Variants in STPG2 observed in about 807,000 individuals in gnomAD.
STPG2 encodes the protein sperm tail PG-rich repeat containing 2, also known as sperm-tail PG-rich repeat-containing protein 2.
Under a neutral mutation model 54.2 loss-of-function variants are expected in STPG2, and 56 were observed. The observed-to-expected ratio is 1.03, with a 90% CI of 0.83 to 1.29. The LOEUF is 1.29. STPG2 is among the 50% of genes most tolerant of loss of function. The probability of loss-of-function intolerance (pLI) is 0.00; values close to 1 mark genes in which losing one functional copy is unlikely to be tolerated. For synonymous variants in STPG2, 200 were observed against 181.8 expected, an observed-to-expected ratio of 1.10 and a Z score of -0.81; for missense variants, 596 against 544.9, an observed-to-expected ratio of 1.09 and a Z score of -0.93.
chr4:98,072,526 C>A (rs189771183), intron 5 of STPG2, among the ~76,000 whole-genome samples: 3 of 150,730 alleles, frequency 2.0e-5, no homozygotes, highest in Admixed American at 1.3e-4. Context: ...CCTGCACATC[C>A]TGCACATGTA....
At chr4:97,856,893 C>T (rs760707909) in intron 8 of STPG2, among the ~76,000 whole-genome samples, 6 of 152,100 alleles carry the variant, frequency 3.9e-5, no homozygotes, top group Non-Finnish European at 8.8e-5. Flanking sequence ...TATCAAAGGC[C>T]TTTTCTGCAT....
Position 97,925,503 on chromosome 4 carries a change from T to C in STPG2, c.1044+18394A>G, listed in dbSNP as rs148707380. 4.5e-4 allele frequency among the ~76,000 whole-genome samples: 68 copies of C among 152,336 alleles called. No individual in the cohort carries two copies. The East Asian group carries it at 0.011, about 25-fold the overall frequency. On this transcript the variant is annotated intron_variant, in intron 8 of 10. Transcript: ENST00000295268. ...TTTATCTAAAATCCTTTACTTGTAC[T>C]GATGGCCCTGCAGTAAGAAAATTTA...
At chr4:97,485,872 AC>A (rs1730342170) in intron 4 of STPG2, among the ~76,000 whole-genome samples, 1 of 151,748 alleles carries the variant, frequency 6.6e-6, no homozygotes, top group Admixed American at 6.6e-5. Context: ...AGAATAGAGA[AC>A]CCAGAAATAA....
intron 7 of STPG2, among the ~76,000 whole-genome samples, chr4:97,968,099 T>C (rs1416544751): frequency 6.6e-6 from 1 of 151,582 alleles, no homozygotes; most frequent in Non-Finnish European, 1.5e-5. Flanking sequence ...TCAACAAAAT[T>C]GAGACACCAT....
At chr4:97,753,225 T>C (rs1324918091) in intron 9 of STPG2, among the ~76,000 whole-genome samples, 1 of 151,960 alleles carries the variant, frequency 6.6e-6, no homozygotes, top group Non-Finnish European at 1.5e-5. Context: ...ATCCATTAAA[T>C]AGTAACCTAC....
chr4:98,139,850 G>A (rs1403094254), intron 1 of STPG2, among the ~76,000 whole-genome samples: 1 of 152,166 alleles, frequency 6.6e-6, no homozygotes, highest in African/African-American at 2.4e-5. Flanking sequence ...TACGCTATAT[G>A]TGGCTCATTA....
chr4:98,135,035 A>G (rs565035481), intron 1 of STPG2, among the ~76,000 whole-genome samples: 5 of 151,938 alleles, frequency 3.3e-5, no homozygotes, highest in Non-Finnish European at 7.4e-5. Context: ...AGATTATACA[A>G]ACTTGAACAC....
chr4:97,889,895 T>C (rs1025618185), intron 8 of STPG2, among the ~76,000 whole-genome samples: 1 of 152,172 alleles, frequency 6.6e-6, no homozygotes, highest in East Asian at 1.9e-4. Flanking sequence ...AGGAGTTTTG[T>C]TGTTTTATTC....
intron 8 of STPG2, among the ~76,000 whole-genome samples, chr4:97,858,556 C>T (rs1360947597): frequency 6.6e-6 from 1 of 152,146 alleles, no homozygotes. Context: ...CTCTCCTCTC[C>T]TACCATCTCT....
chr4:97,739,116 G>A (rs557781317), intron 9 of STPG2, among the ~76,000 whole-genome samples: 165 of 152,102 alleles, frequency 1.1e-3, no homozygotes, highest in African/African-American at 3.9e-3. Context: ...AATGACTACT[G>A]GGTACATAAT....
chr4:97,880,785 T>C (rs951626716), intron 8 of STPG2, among the ~76,000 whole-genome samples: 3 of 152,096 alleles, frequency 2.0e-5, no homozygotes, highest in Non-Finnish European at 4.4e-5. Context: ...TATACTCAAA[T>C]TGAAGAGCAG....
intron 4 of STPG2, among the ~76,000 whole-genome samples, chr4:97,544,008 G>C (rs1352423506): frequency 1.3e-5 from 2 of 152,064 alleles, no homozygotes; most frequent in Non-Finnish European, 2.9e-5. Flanking sequence ...AATCATAATA[G>C]AATGTGGTTC....
chr4:98,119,221 T>G (rs577074743), intron 3 of STPG2, among the ~76,000 whole-genome samples: 3 of 152,146 alleles, frequency 2.0e-5, no homozygotes, highest in Non-Finnish European at 4.4e-5. Flanking sequence ...CATAATCATT[T>G]ATGAGATAAA....
chr4:97,777,737 T>G (rs1392791182), intron 9 of STPG2, among the ~76,000 whole-genome samples: 1 of 152,232 alleles, frequency 6.6e-6, no homozygotes, highest in Non-Finnish European at 1.5e-5. Flanking sequence ...TAGATTTCAT[T>G]ATTTTAGATT....
chr4:97,509,872 A>T (rs1466112143), intron 4 of STPG2, among the ~76,000 whole-genome samples: 1 of 152,046 alleles, frequency 6.6e-6, no homozygotes. Flanking sequence ...AAAATTTAAG[A>T]ACATTGAAAC....
chr4:97,739,234 AG>A (rs1275552272), intron 9 of STPG2, among the ~76,000 whole-genome samples: 1 of 152,204 alleles, frequency 6.6e-6, no homozygotes, highest in South Asian at 2.1e-4. Flanking sequence ...AGAAATTTAT[AG>A]TACTAAATGC....
chr4:97,947,658 G>T (rs898383811), intron 7 of STPG2, among the ~76,000 whole-genome samples: 1 of 152,080 alleles, frequency 6.6e-6, no homozygotes, highest in Non-Finnish European at 1.5e-5. Flanking sequence ...CAGCTATTGA[G>T]ATAACCATAT....
chr4:97,756,843 A>G (rs1217071772), intron 9 of STPG2, among the ~76,000 whole-genome samples: 2 of 151,948 alleles, frequency 1.3e-5, no homozygotes, highest in African/African-American at 4.8e-5. Flanking sequence ...ATATTTAAGA[A>G]TGTTTCACAT....
At chr4:97,895,350 C>G (rs1026269936) in intron 8 of STPG2, among the ~76,000 whole-genome samples, 2 of 151,784 alleles carry the variant, frequency 1.3e-5, no homozygotes, top group Admixed American at 1.3e-4. Flanking sequence ...CATAAACTTT[C>G]AAGAGATATA....
Sources: allele counts gnomAD v4.1 joint callset (sites outside exome capture counted in the v4.1 genomes callset), GRCh38; gene constraint gnomAD v4.1.1; transcripts MANE v1.5; gene names NCBI Gene and HGNC (gene_info 2026-07-23, HGNC 2026-07-21).